SAMMSON: variants seen among roughly 807,000 people sequenced by gnomAD.
SAMMSON encodes survival associated mitochondrial melanoma specific oncogenic non-coding RNA, also known as long intergenic non-protein coding RNA 1212.
intron 4 of SAMMSON, among the ~76,000 whole-genome samples, chr3:70,177,742 A>G (rs928261005): frequency 1.3e-5 from 2 of 152,136 alleles, no homozygotes; most frequent in Admixed American, 6.5e-5. Flanking sequence ...TTCCCATTTT[A>G]CAGAAGAAGT....
chr3:70,209,999 A>T (rs1701327629), intron 4 of SAMMSON, among the ~76,000 whole-genome samples: 1 of 152,122 alleles, frequency 6.6e-6, no homozygotes, highest in South Asian at 2.1e-4. Flanking sequence ...GCAGCTATTT[A>T]CTTAACAGAA....
intron 7 of SAMMSON, among the ~76,000 whole-genome samples, chr3:70,299,973 A>G (rs952730097): frequency 4.9e-4 from 75 of 152,240 alleles, no homozygotes; most frequent in African/African-American, 1.8e-3. Context: ...TGAAAAGAAC[A>G]TACCCCAGAC....
At chr3:70,298,392 G>A (rs982220723) in intron 7 of SAMMSON, among the ~76,000 whole-genome samples, 3 of 151,978 alleles carry the variant, frequency 2.0e-5, no homozygotes, top group Non-Finnish European at 2.9e-5. Context: ...CAACATCAAC[G>A]GGAAGATATT....
intron 4 of SAMMSON, among the ~76,000 whole-genome samples, chr3:70,139,843 A>C (rs1001885604): frequency 6.6e-5 from 10 of 152,122 alleles, no homozygotes; most frequent in African/African-American, 2.2e-4. Flanking sequence ...TTCTATTTAG[A>C]TGGCTGACTA....
intron 4 of SAMMSON, among the ~76,000 whole-genome samples, chr3:70,082,589 C>T (rs1377574295): frequency 6.6e-6 from 1 of 152,190 alleles, no homozygotes; most frequent in Non-Finnish European, 1.5e-5. Context: ...CATGCACTTA[C>T]TTGCCAATAC....
At chr3:70,253,719 A>C (rs1323975002) in intron 6 of SAMMSON, among the ~76,000 whole-genome samples, 3 of 152,106 alleles carry the variant, frequency 2.0e-5, no homozygotes. Flanking sequence ...CAAAACCCCA[A>C]CTCTAAAAAA....
intron 4 of SAMMSON, among the ~76,000 whole-genome samples, chr3:70,243,431 TG>T (rs1701679266): frequency 6.6e-6 from 1 of 152,248 alleles, no homozygotes; most frequent in Admixed American, 6.5e-5. Flanking sequence ...GCAGCTGCAC[TG>T]CTCTCTTTCT....
At chr3:70,124,814 C>CAAAAAAAAAAAAAAA (rs1208323683) in intron 4 of SAMMSON, among the ~76,000 whole-genome samples, 2 of 53,690 alleles carry the variant, frequency 3.7e-5, no homozygotes, top group Non-Finnish European at 6.8e-5. Flanking sequence ...GACTCCATCT[C>CAAAAAAAAAAAAAAA]AAAAAAAAAA....
rs565581716 is a variant in SAMMSON at position 70,059,498 on chromosome 3, A to C, written n.418-11978A>C. On this transcript the variant is annotated intron_variant and non_coding_transcript_variant, in intron 3 of 9. Coordinates refer to ENST00000642114, the Ensembl canonical transcript of SAMMSON. Reference sequence around the variant, plus strand: ...GAGAACCAGGGGGAACTAATCATGTAAGTCCCAATCTGAGTTCAAACACCT... The same window carrying C: ...GAGAACCAGGGGGAACTAATCATGTCAGTCCCAATCTGAGTTCAAACACCT... Among the ~76,000 whole-genome samples the C allele has an allele frequency of 2.6e-5, 4 of 152,212 alleles. No individual in the cohort carries two copies. The East Asian group carries it at 7.8e-4, about 30-fold the overall frequency.
downstream of SAMMSON, among the ~76,000 whole-genome samples, chr3:70,393,876 G>A (rs1181145065): frequency 6.6e-6 from 1 of 152,108 alleles, no homozygotes; most frequent in African/African-American, 2.4e-5. Context: ...CTACATACAT[G>A]GAAGGATCAT....
intron 4 of SAMMSON, among the ~76,000 whole-genome samples, chr3:70,202,638 C>A (rs1361875069): frequency 6.6e-6 from 1 of 152,094 alleles, no homozygotes; most frequent in Non-Finnish European, 1.5e-5. Flanking sequence ...GATCAGAGAC[C>A]TGCAGGCTGC....
At chr3:70,111,159 A>G (rs1025328199) in intron 4 of SAMMSON, among the ~76,000 whole-genome samples, 10 of 152,180 alleles carry the variant, frequency 6.6e-5, no homozygotes, top group Admixed American at 4.6e-4. Flanking sequence ...CCTTTACATA[A>G]TGACATGGTG....
At chr3:70,087,259 C>G (rs1290487877) in intron 4 of SAMMSON, among the ~76,000 whole-genome samples, 1 of 152,092 alleles carries the variant, frequency 6.6e-6, no homozygotes, top group Non-Finnish European at 1.5e-5. Flanking sequence ...CTATTTTGAC[C>G]AAGTCTCATT....
At chr3:70,303,765 T>G (rs1436590911) in intron 7 of SAMMSON, among the ~76,000 whole-genome samples, 2 of 152,132 alleles carry the variant, frequency 1.3e-5, no homozygotes, top group African/African-American at 4.8e-5. Context: ...CACTGCAACC[T>G]CCGCCTCCTG....
rs531039862 is a variant in SAMMSON, at chr3:70,115,483, G to A, written n.507+43918G>A. Reference sequence around the variant, plus strand: ...ATATTCATGTCTTAGACATACTTACGTATCTAGTTTAAATTAAGCTAATTA... The same window carrying A: ...ATATTCATGTCTTAGACATACTTACATATCTAGTTTAAATTAAGCTAATTA... On this transcript the variant is annotated intron_variant and non_coding_transcript_variant, in intron 4 of 9. Coordinates refer to ENST00000642114, the Ensembl canonical transcript of SAMMSON. Among the ~76,000 whole-genome samples, 5 of 152,178 alleles carry A rather than the reference G, an allele frequency of 3.3e-5. No individual in the cohort carries two copies. The East Asian group carries it at 5.8e-4, about 18-fold the overall frequency.
At chr3:70,390,852 G>A (rs1445075778), downstream of SAMMSON, among the ~76,000 whole-genome samples, 1 of 152,104 alleles carries the variant, frequency 6.6e-6, no homozygotes, top group African/African-American at 2.4e-5. Flanking sequence ...AAACATTGGA[G>A]GGATGTATAA....
chr3:70,101,034 A>G (rs1396070150), intron 4 of SAMMSON, among the ~76,000 whole-genome samples: 1 of 152,242 alleles, frequency 6.6e-6, no homozygotes, highest in Non-Finnish European at 1.5e-5. Flanking sequence ...TCTCACTTTC[A>G]TAAGCAGCTG....
At chr3:70,323,789 G>A (rs1702556052) in intron 7 of SAMMSON, among the ~76,000 whole-genome samples, 1 of 152,102 alleles carries the variant, frequency 6.6e-6, no homozygotes, top group East Asian at 1.9e-4. Flanking sequence ...CAGTTCATCT[G>A]CAACTGCCCA....
intron 9 of SAMMSON, among the ~76,000 whole-genome samples, chr3:70,371,338 T>C (rs1305966542): frequency 1.3e-5 from 2 of 152,022 alleles, no homozygotes; most frequent in Non-Finnish European, 2.9e-5. Flanking sequence ...TTTTTTTTCT[T>C]TTTCCATGAA....
Sources: allele counts gnomAD v4.1 joint callset (sites outside exome capture counted in the v4.1 genomes callset), GRCh38; gene constraint gnomAD v4.1.1; transcripts MANE v1.5; gene names NCBI Gene and HGNC (gene_info 2026-07-23, HGNC 2026-07-21).